XKR4: variants seen among roughly 807,000 people sequenced by gnomAD.
XKR4 encodes the protein XK related 4.
In XKR4, 12 loss-of-function variants were observed where a neutral mutation model predicts 53.9. The observed-to-expected ratio is 0.22, with a 90% CI of 0.14 to 0.36. The LOEUF (loss-of-function observed/expected upper bound fraction) is 0.36, where lower values mean the gene tolerates loss of function less well. XKR4 is among the 10% of genes least tolerant of loss of function. The probability of loss-of-function intolerance (pLI) is 1.00; values close to 1 mark genes in which losing one functional copy is unlikely to be tolerated. For synonymous variants in XKR4, 354 were observed against 362.4 expected (o/e 0.98, Z 0.26); for missense variants, 799 against 859.5 (o/e 0.93, Z 0.88).
intron 2 of XKR4, among the ~76,000 whole-genome samples, chr8:55,386,255 T>C (rs1304071976): frequency 2.0e-5 from 3 of 152,138 alleles, no homozygotes; most frequent in Non-Finnish European, 4.4e-5. Context: ...AGTTCCTGGG[T>C]CCCTCGCGGA....
At position 55,530,656 on chromosome 8, in the gene XKR4, A is replaced by C. The variant is rs923167643; in HGVS notation, c.*6429A>C. ...AATCTTCAATGATCAATATGAATGT[A>C]GTGTATTAAAATACAAGTAACTATC... is the stretch of plus-strand genomic sequence containing the variant. On this transcript the variant is annotated 3_prime_UTR_variant, in exon 3 of 3. Transcript: ENST00000327381. 7 of 152,230 alleles carry C rather than the reference A, an allele frequency of 4.6e-5. No homozygotes were observed. The highest frequency in any genetic ancestry group is 1.7e-4 in the African/African-American group (7 of 41,456). 9.4% of individuals were successfully genotyped at this position (152,230 alleles called of 1,614,324 possible). A position where few individuals can be genotyped will look rare whatever the true frequency, so the allele number is the denominator to read the frequency against.
At chr8:55,452,993 C>T (rs1031191754) in intron 2 of XKR4, 11 of 688,488 alleles carry the variant, frequency 1.6e-5, no homozygotes, top group African/African-American at 5.2e-5. Flanking sequence ...GGCACCACTG[C>T]TCAGAAGCCA....
intron 1 of XKR4, among the ~76,000 whole-genome samples, chr8:55,266,197 G>C (rs573915838): frequency 6.6e-6 from 1 of 151,716 alleles, no homozygotes; most frequent in East Asian, 2.0e-4. Context: ...ATGATTCGGT[G>C]TGATGGGGCA....
At chr8:55,221,165 T>C (rs1427415003) in intron 1 of XKR4, among the ~76,000 whole-genome samples, 6 of 152,236 alleles carry the variant, frequency 3.9e-5, no homozygotes, top group African/African-American at 1.4e-4. Context: ...GGAGTAGTCC[T>C]TCTGGAAGAG....
intron 2 of XKR4, chr8:55,451,582 C>G (rs555358189): frequency 2.4e-6 from 3 of 1,270,674 alleles, no homozygotes; most frequent in East Asian, 2.5e-5. Context: ...CTTGGACCGC[C>G]GGATGCGCCA....
At chr8:55,372,746 T>C (rs1336138274) in intron 2 of XKR4, among the ~76,000 whole-genome samples, 2 of 152,194 alleles carry the variant, frequency 1.3e-5, no homozygotes, top group African/African-American at 2.4e-5. Flanking sequence ...ATTTTAAAAG[T>C]ATTCCTCAGA....
At chr8:55,497,948 TC>T (rs1806379699) in intron 2 of XKR4, among the ~76,000 whole-genome samples, 1 of 152,106 alleles carries the variant, frequency 6.6e-6, no homozygotes, top group Non-Finnish European at 1.5e-5. Flanking sequence ...CAGATCCCCA[TC>T]CCCGCTGCTG....
chr8:55,173,977 C>T (rs1324920200), intron 1 of XKR4, among the ~76,000 whole-genome samples: 4 of 152,110 alleles, frequency 2.6e-5, no homozygotes. Flanking sequence ...CGGATGTGAG[C>T]ATTTGAAGCA....
At chr8:55,422,989 A>G (rs116354059) in intron 2 of XKR4, among the ~76,000 whole-genome samples, 2,110 of 152,316 alleles carry the variant, frequency 0.014, 55 homozygotes, top group African/African-American at 0.049. Context: ...TAGAAATGAC[A>G]TTAAGTCTAA....
intron 2 of XKR4, among the ~76,000 whole-genome samples, chr8:55,436,440 A>G (rs1392824563): frequency 6.6e-6 from 1 of 152,194 alleles, no homozygotes. Context: ...ATTTACCTCA[A>G]CCAAATTAGA....
At chr8:55,412,629 G>A (rs1218505078) in intron 2 of XKR4, among the ~76,000 whole-genome samples, 1 of 152,164 alleles carries the variant, frequency 6.6e-6, no homozygotes, top group Non-Finnish European at 1.5e-5. Flanking sequence ...ATTCACAAAA[G>A]GATATGTAAA....
At chr8:55,303,992 T>C (rs988811235) in intron 1 of XKR4, among the ~76,000 whole-genome samples, 1 of 152,158 alleles carries the variant, frequency 6.6e-6, no homozygotes, top group Non-Finnish European at 1.5e-5. Flanking sequence ...TGTGTCTCTA[T>C]TTCCTTCAGT....
At chr8:55,216,974 G>A (rs59231252) in intron 1 of XKR4, among the ~76,000 whole-genome samples, 31,113 of 151,786 alleles carry the variant, frequency 0.2, 4,187 homozygotes, top group East Asian at 0.47. Flanking sequence ...CAGGCGCAGT[G>A]GCTTACGCCT....
chr8:55,514,847 C>A (rs185700888), intron 2 of XKR4, among the ~76,000 whole-genome samples: 76 of 152,172 alleles, frequency 5.0e-4, no homozygotes, highest in African/African-American at 1.8e-3. Context: ...AAGAAGAGGG[C>A]CTTCTTGCTT....
intron 2 of XKR4, among the ~76,000 whole-genome samples, chr8:55,394,583 A>G (rs1804488878): frequency 6.6e-6 from 1 of 152,220 alleles, no homozygotes; most frequent in Admixed American, 6.5e-5. Flanking sequence ...TCAACAGTTT[A>G]TATACTGGCA....
At chr8:55,475,257 G>A (rs77511592) in intron 2 of XKR4, among the ~76,000 whole-genome samples, 11 of 152,162 alleles carry the variant, frequency 7.2e-5, no homozygotes, top group South Asian at 2.1e-4. Flanking sequence ...AATAATAGCC[G>A]CACTATATGT....
At chr8:55,363,274 G>A (rs536293885) in intron 2 of XKR4, among the ~76,000 whole-genome samples, 1 of 152,160 alleles carries the variant, frequency 6.6e-6, no homozygotes, top group African/African-American at 2.4e-5. Context: ...GAACAAAAAC[G>A]AAAAACACCG....
At chr8:55,456,766 G>A (rs868626908) in intron 2 of XKR4, among the ~76,000 whole-genome samples, 12 of 151,998 alleles carry the variant, frequency 7.9e-5, no homozygotes, top group Non-Finnish European at 1.2e-4. Context: ...AATAAACATA[G>A]CATCAAAGGC....
chr8:55,455,531 G>T (rs577107773), intron 2 of XKR4, among the ~76,000 whole-genome samples: 1 of 152,252 alleles, frequency 6.6e-6, no homozygotes, highest in South Asian at 2.1e-4. Flanking sequence ...AGCCTTCCTC[G>T]CTAAAAGTGG....
Sources: gnomAD v4.1 joint callset for allele counts (sites outside exome capture counted in the v4.1 genomes callset) on GRCh38, gnomAD v4.1.1 for gene constraint, MANE v1.5 for transcripts, NCBI Gene and HGNC (gene_info 2026-07-23, HGNC 2026-07-21) for gene names.